Variants in CREB5 observed in about 807,000 individuals in gnomAD.
CREB5 encodes cAMP responsive element binding protein 5, also known as cyclic AMP-responsive element-binding protein 5.
CREB5 carries 19 observed loss-of-function variants against 57.1 expected under a neutral mutation model. The ratio of observed to expected loss-of-function variants is 0.33; its 90% confidence interval spans 0.23 to 0.49. The LOEUF (loss-of-function observed/expected upper bound fraction) is 0.49. Among genes scored for constraint, CREB5 ranks in the 20% least tolerant of loss-of-function variants. The pLI is 0.99. For synonymous variants in CREB5, 238 were observed against 238.3 expected (o/e 1.00, Z 0.01); for missense variants, 579 against 671.6 (o/e 0.86, Z 1.52).
At chr7:28,650,490 A>G (rs563641813) in intron 5 of CREB5, among the ~76,000 whole-genome samples, 1 of 152,294 alleles carries the variant, frequency 6.6e-6, no homozygotes, top group South Asian at 2.1e-4. Context: ...GCCAGGACAC[A>G]GTCATGCCAT....
At chr7:28,510,215 T>A (rs896180408) in intron 4 of CREB5, among the ~76,000 whole-genome samples, 3 of 152,242 alleles carry the variant, frequency 2.0e-5, no homozygotes, top group African/African-American at 7.2e-5. Flanking sequence ...ACCCCAGCTC[T>A]TCTTTCCCTG....
chr7:28,405,855 TGTG>T (rs1284933239), intron 1 of CREB5, among the ~76,000 whole-genome samples: 2 of 152,082 alleles, frequency 1.3e-5, no homozygotes, highest in African/African-American at 4.8e-5. Context: ...AGGATGTGTG[TGTG>T]GTGGTGGTAG....
intron 1 of CREB5, among the ~76,000 whole-genome samples, chr7:28,346,054 T>C (rs1712488045): frequency 6.6e-6 from 1 of 152,034 alleles, no homozygotes; most frequent in Non-Finnish European, 1.5e-5. Context: ...GTGTCCCAGG[T>C]TGGGTTTACT....
At chr7:28,385,103 TA>T (rs1787060535) in intron 1 of CREB5, among the ~76,000 whole-genome samples, 1 of 152,182 alleles carries the variant, frequency 6.6e-6, no homozygotes, top group Admixed American at 6.5e-5. Flanking sequence ...ACTCATAGTT[TA>T]AAAGAAATAA....
At chr7:28,355,931 T>C (rs1786331974) in intron 1 of CREB5, among the ~76,000 whole-genome samples, 1 of 152,128 alleles carries the variant, frequency 6.6e-6, no homozygotes, top group Non-Finnish European at 1.5e-5. Context: ...AACGAGTGAC[T>C]CAAGTCGTCC....
rs546802394 is a variant in CREB5, at chr7:28,717,115, T to C, written c.465-1638T>C. Among the ~76,000 whole-genome samples, 3 of 118,922 alleles carry C rather than the reference T, an allele frequency of 2.5e-5. No individual in the cohort carries two copies. The Admixed American group carries it at 3.1e-4, about 12-fold the overall frequency. The allele number at this position is 118,922 out of a possible 152,430, so 78.0% of individuals were successfully genotyped here. On this transcript the variant is annotated intron_variant, in intron 5 of 10. Transcript: ENST00000357727. ...TTTTTTTTTTTTTTTTGAGATGGAA[T>C]CTCGCTTTGTGGCCCAGGCTGGAGT...
At chr7:28,574,987 A>C (rs1176277956) in intron 5 of CREB5, among the ~76,000 whole-genome samples, 1 of 152,234 alleles carries the variant, frequency 6.6e-6, no homozygotes, top group South Asian at 2.1e-4. Flanking sequence ...ATAAAATATC[A>C]TAGAAGAAAA....
chr7:28,553,312 C>A (rs1417872233), intron 4 of CREB5, among the ~76,000 whole-genome samples: 1 of 152,160 alleles, frequency 6.6e-6, no homozygotes, highest in African/African-American at 2.4e-5. Flanking sequence ...ATGAAAGAGC[C>A]TTTCATGGAT....
At chr7:28,530,682 CTTTG>C (rs755299604) in intron 4 of CREB5, among the ~76,000 whole-genome samples, 2 of 152,172 alleles carry the variant, frequency 1.3e-5, no homozygotes, top group Non-Finnish European at 2.9e-5. Flanking sequence ...CCATAGTTAG[CTTTG>C]TTTGTGTTCT....
intron 5 of CREB5, among the ~76,000 whole-genome samples, chr7:28,614,492 T>C (rs1372348363): frequency 1.3e-5 from 2 of 152,074 alleles, no homozygotes; most frequent in Non-Finnish European, 2.9e-5. Context: ...TCCCCACCAA[T>C]AGGTTCCATG....
At chr7:28,809,095 T>A (rs1028424202) in intron 8 of CREB5, 92 bp from the exon 9 acceptor site, 31 of 1,159,752 alleles carry the variant, frequency 2.7e-5, no homozygotes, top group Non-Finnish European at 3.3e-5. Context: ...AGACTTTCTG[T>A]GCTTTGCTTT....
intron 1 of CREB5, among the ~76,000 whole-genome samples, chr7:28,433,305 A>G (rs988413994): frequency 4.6e-5 from 7 of 152,176 alleles, no homozygotes; most frequent in African/African-American, 1.7e-4. Context: ...AGCCAAGAGT[A>G]TTGGGTATTG....
intron 4 of CREB5, among the ~76,000 whole-genome samples, chr7:28,550,183 C>T (rs1309662482): frequency 6.6e-6 from 1 of 151,978 alleles, no homozygotes; most frequent in Non-Finnish European, 1.5e-5. Context: ...CTTCTCCTCT[C>T]CCTCCTGCTG....
chr7:28,566,120 G>A (rs1198748685), intron 4 of CREB5, among the ~76,000 whole-genome samples: 2 of 152,044 alleles, frequency 1.3e-5, no homozygotes, highest in Non-Finnish European at 2.9e-5. Flanking sequence ...AAAATGTGGT[G>A]GCCAAATGTG....
At chr7:28,527,069 G>A (rs142840741) in intron 4 of CREB5, among the ~76,000 whole-genome samples, 146 of 152,312 alleles carry the variant, frequency 9.6e-4, no homozygotes, top group African/African-American at 3.3e-3. Flanking sequence ...CAACTCATCA[G>A]GGAATTGGAG....
intron 1 of CREB5, among the ~76,000 whole-genome samples, chr7:28,311,215 A>G (rs887277731): frequency 2.0e-5 from 3 of 151,994 alleles, no homozygotes; most frequent in Non-Finnish European, 4.4e-5. Context: ...CCTACACTGC[A>G]TTTAAGGAGG....
intron 7 of CREB5, among the ~76,000 whole-genome samples, chr7:28,781,306 T>A (rs12667805): frequency 0.64 from 96,820 of 152,010 alleles, 31,040 homozygotes; most frequent in South Asian, 0.69. Flanking sequence ...CCTGATTTAC[T>A]TGGAAATTAT....
intron 5 of CREB5, among the ~76,000 whole-genome samples, chr7:28,596,458 TCA>T (rs1390409322): frequency 6.6e-6 from 1 of 152,228 alleles, no homozygotes; most frequent in Admixed American, 6.5e-5. Context: ...AAGGAGTGAG[TCA>T]CAGATGCTGA....
chr7:28,303,453 C>T (rs1318965153), intron 1 of CREB5, among the ~76,000 whole-genome samples: 1 of 152,124 alleles, frequency 6.6e-6, no homozygotes, highest in Non-Finnish European at 1.5e-5. Flanking sequence ...AATTAGCCAG[C>T]CTTTATCTAG....
Sources: allele counts gnomAD v4.1 joint callset (sites outside exome capture counted in the v4.1 genomes callset), GRCh38; gene constraint gnomAD v4.1.1; transcripts MANE v1.5; gene names NCBI Gene and HGNC (gene_info 2026-07-23, HGNC 2026-07-21).